The following SLC9A4 variants were observed in gnomAD, a reference collection of about 807,000 sequenced individuals.
The protein encoded by SLC9A4 is solute carrier family 9 member A4.
In SLC9A4, 63 loss-of-function variants were observed where a neutral mutation model predicts 67.4. The observed-to-expected ratio is 0.93, with a 90% CI of 0.76 to 1.15. The LOEUF is 1.15. Among genes scored for constraint, SLC9A4 ranks in the 50% most tolerant of loss-of-function variants. The pLI is 0.00. For missense variants in SLC9A4, 1,089 were observed against 987.7 expected (o/e 1.10, Z -1.38); for synonymous variants, 393 against 367.2 (o/e 1.07, Z -0.80).
At chr2:102,531,069 T>TA (rs1558676629) in intron 11 of SLC9A4, among the ~76,000 whole-genome samples, 3 of 147,362 alleles carry the variant, frequency 2.0e-5, no homozygotes. Context: ...ATTCTTTTTT[T>TA]TTTTTTTTTT....
At chr2:102,477,409 C>A (rs1008428755) in intron 1 of SLC9A4, among the ~76,000 whole-genome samples, 1 of 152,202 alleles carries the variant, frequency 6.6e-6, no homozygotes, top group African/African-American at 2.4e-5. Context: ...CTCTGATAAA[C>A]ATTTAACTGT....
At chr2:102,493,858 A>T (rs1405584052) in intron 2 of SLC9A4, among the ~76,000 whole-genome samples, 3 of 151,794 alleles carry the variant, frequency 2.0e-5, no homozygotes, top group African/African-American at 4.9e-5. Flanking sequence ...AGTTACCATA[A>T]CTGCAAGCTG....
At chr2:102,479,411 A>G (rs1216250284) in intron 2 of SLC9A4, 109 bp downstream of exon 2, 8 of 1,168,998 alleles carry the variant, frequency 6.8e-6, no homozygotes, top group Non-Finnish European at 9.5e-6. Flanking sequence ...GCAGCAGGAC[A>G]GGGATGAGCT....
chr2:102,489,246 G>A (rs1684650362), intron 2 of SLC9A4, among the ~76,000 whole-genome samples: 1 of 152,204 alleles, frequency 6.6e-6, no homozygotes, highest in South Asian at 2.1e-4. Flanking sequence ...AGACTGAGGG[G>A]TGGTAGACTC....
chr2:102,514,054 G>C lies in SLC9A4; in HGVS notation c.1560-36G>C, dbSNP rs372330986. ...CATACTTAATGTAACACATACAGACGTTCAAGATTTCCAAAATGTTGGTTT... is the reference window on the plus strand; with the variant it reads ...CATACTTAATGTAACACATACAGACCTTCAAGATTTCCAAAATGTTGGTTT... On this transcript the variant is annotated intron_variant, in intron 7 of 11. Transcript: ENST00000295269. 6.2e-6 allele frequency: 10 copies of C among 1,602,892 alleles called. No homozygotes were observed. The East Asian group carries it at 2.2e-4, about 36-fold the overall frequency.
chr2:102,511,515 A>C (rs1361202054), intron 6 of SLC9A4, among the ~76,000 whole-genome samples: 1 of 151,956 alleles, frequency 6.6e-6, no homozygotes, highest in Non-Finnish European at 1.5e-5. Flanking sequence ...CTATTTTTCA[A>C]AACAAAATTC....
At chr2:102,475,091 A>G (rs891547070) in intron 1 of SLC9A4, among the ~76,000 whole-genome samples, 1 of 152,208 alleles carries the variant, frequency 6.6e-6, no homozygotes, top group Admixed American at 6.5e-5. Context: ...AAGTGTGAAT[A>G]TTAAATAGGA....
intron 1 of SLC9A4, among the ~76,000 whole-genome samples, chr2:102,474,493 A>G (rs1230778887): frequency 2.0e-5 from 3 of 152,230 alleles, no homozygotes; most frequent in Admixed American, 1.3e-4. Context: ...GACAGAAAGC[A>G]AAAAACAAGA....
chr2:102,530,182 C>A (rs1353805092), intron 11 of SLC9A4, among the ~76,000 whole-genome samples: 1 of 152,228 alleles, frequency 6.6e-6, no homozygotes, highest in African/African-American at 2.4e-5. Context: ...AACAGTGTAT[C>A]CTGCATCAGG....
At chr2:102,495,439 A>G (rs1684787509) in intron 2 of SLC9A4, among the ~76,000 whole-genome samples, 1 of 152,094 alleles carries the variant, frequency 6.6e-6, no homozygotes, top group Non-Finnish European at 1.5e-5. Flanking sequence ...GTTTTCTCCT[A>G]TTTGATCTAT....
intron 10 of SLC9A4, among the ~76,000 whole-genome samples, 161 bp downstream of exon 10, chr2:102,525,316 A>T (rs78966305): frequency 2.1e-3 from 313 of 152,156 alleles, no homozygotes; most frequent in Non-Finnish European, 3.8e-3. Flanking sequence ...AGTGCAGGAC[A>T]CCAGAGCAAC....
chr2:102,524,484 C>A (rs997729100), intron 9 of SLC9A4, among the ~76,000 whole-genome samples: 7 of 151,584 alleles, frequency 4.6e-5, no homozygotes, highest in African/African-American at 1.5e-4. Context: ...TTTTTTAAAT[C>A]TCAAATTATG....
rs1335049702 is a variant in SLC9A4, at chr2:102,514,237, C to T, written c.1707C>T (p.Phe569=). 3 of 1,610,984 alleles carry T rather than the reference C, an allele frequency of 1.9e-6. No homozygotes were observed. The Admixed American group carries it at 5.0e-5, about 27-fold the overall frequency. The part of the protein sequence containing the change: ...VETGILSSTA[F]SIPHQAQRIQ... Reference sequence around the variant, plus strand: ...CTGGGATACTGAGCTCTACAGCTTTCTCCATACCCCATCAGTGAGTCATAT... The same window carrying T: ...CTGGGATACTGAGCTCTACAGCTTTTTCCATACCCCATCAGTGAGTCATAT... Residue 569 remains phenylalanine, a synonymous_variant, in exon 8 of 12, where the codon TTC becomes TTT. Coordinates refer to ENST00000295269, the MANE Select transcript of SLC9A4 (RefSeq NM_001011552.4).
chr2:102,481,699 A>AT (rs1338359387), intron 2 of SLC9A4, among the ~76,000 whole-genome samples: 1 of 152,032 alleles, frequency 6.6e-6, no homozygotes, highest in East Asian at 1.9e-4. Flanking sequence ...TATTATTTAA[A>AT]TTTTTTTAGA....
At position 102,521,882 on chromosome 2, in the gene SLC9A4, AG is replaced by A. The variant is rs1285989191; in HGVS notation, c.1818+1928del. On this transcript the variant is annotated intron_variant, in intron 9 of 11. Transcript: ENST00000295269. ...CTCAGAGCAGGACCAGGATGAATGC[AG>A]AGTTTGACTCTGGGCGACCCTAATG... Among the ~76,000 whole-genome samples, 17 of 152,332 alleles carry A rather than the reference AG, an allele frequency of 1.1e-4. 2 individuals are homozygous for A. The Middle Eastern group carries it at 0.014, about 122-fold the overall frequency.
At chr2:102,499,718 G>A (rs78843713) in intron 2 of SLC9A4, among the ~76,000 whole-genome samples, 2 of 152,150 alleles carry the variant, frequency 1.3e-5, no homozygotes, top group Non-Finnish European at 2.9e-5. Flanking sequence ...AGGGAAGAAG[G>A]CAAGCCTATT....
rs747211085 is a variant in SLC9A4 at position 102,478,867 on chromosome 2, C to A, written c.285C>A (p.Gly95=). The stretch of plus-strand genomic sequence containing the variant: ...TCCACCTCTACCACAGGCTGCCAGG[C>A]CTCATGCCAGAAAGCTGCCTCCTCA... The part of the protein sequence containing the change: ...IGFHLYHRLP[G]LMPESCLLIL... Residue 95 remains glycine, a synonymous_variant, in exon 2 of 12, where the codon GGC becomes GGA. Coordinates refer to ENST00000295269, the MANE Select transcript of SLC9A4 (RefSeq NM_001011552.4). 1.2e-6 allele frequency: 2 copies of A among 1,613,982 alleles called. No homozygotes were observed. Among genetic ancestry groups the A allele is most frequent in the Admixed American group, 3.3e-5 (2 of 60,006 alleles).
At chr2:102,513,001 C>T (rs922861197) in intron 7 of SLC9A4, among the ~76,000 whole-genome samples, 151 of 152,218 alleles carry the variant, frequency 9.9e-4, no homozygotes, top group African/African-American at 3.3e-3. Flanking sequence ...CCCAGCACGT[C>T]AGGAGACACA....
Position 102,503,569 on chromosome 2 carries a change from G to C in SLC9A4, c.842G>C (p.Gly281Ala). The C allele has an allele frequency of 6.2e-7, 1 of 1,614,118 alleles. No homozygotes were observed. Among genetic ancestry groups the C allele is most frequent in the Non-Finnish European group, 8.5e-7 (1 of 1,180,020 alleles). Reference protein sequence around the residue: ...IVVGLGGVLFGIVFGFISAFI... With the variant: ...IVVGLGGVLFAIVFGFISAFI... The stretch of plus-strand genomic sequence containing the variant: ...GTGGGGCTTGGAGGGGTATTGTTTG[G>C]CATCGTTTTTGGATTTATTTCTGCA... The change falls in exon 3 of 12, where the codon GGC (glycine) becomes GCC (alanine). Residue 281 changes from glycine (G) to alanine (A), a missense_variant. Coordinates refer to ENST00000295269, the MANE Select transcript of SLC9A4 (RefSeq NM_001011552.4).
Sources: allele counts gnomAD v4.1 joint callset (sites outside exome capture counted in the v4.1 genomes callset), GRCh38; gene constraint gnomAD v4.1.1; transcripts MANE v1.5; gene names NCBI Gene and HGNC (gene_info 2026-07-23, HGNC 2026-07-21).